SLC39A11: variants seen among roughly 807,000 people sequenced by gnomAD.
SLC39A11 encodes zinc transporter ZIP11.
In SLC39A11, 33 loss-of-function variants were observed where a neutral mutation model predicts 36.1. The ratio of observed to expected loss-of-function variants is 0.91; its 90% CI spans 0.69 to 1.22. The LOEUF (loss-of-function observed/expected upper bound fraction) is 1.22, where lower values mean the gene tolerates loss of function less well. SLC39A11 is among the 50% of genes most tolerant of loss of function. The pLI, the probability that SLC39A11 is intolerant of heterozygous loss-of-function variation, is 0.00. For synonymous variants in SLC39A11, 166 were observed against 170.3 expected (o/e 0.97, Z 0.20); for missense variants, 432 against 430.3 (o/e 1.00, Z -0.03).
intron 6 of SLC39A11, among the ~76,000 whole-genome samples, chr17:72,737,773 G>A (rs2074494835): frequency 6.6e-6 from 1 of 152,072 alleles, no homozygotes; most frequent in African/African-American, 2.4e-5. Flanking sequence ...TCTTCGGCCA[G>A]AACAGGAGCA....
chr17:72,940,277 C>CTTT (rs5821935), intron 5 of SLC39A11, among the ~76,000 whole-genome samples: 6 of 144,834 alleles, frequency 4.1e-5, no homozygotes, highest in Admixed American at 6.9e-5. Flanking sequence ...AGCCATCTGA[C>CTTT]TTTTTTTTTT....
chr17:72,747,403 C>T (rs1228193826), intron 6 of SLC39A11, among the ~76,000 whole-genome samples: 3 of 152,164 alleles, frequency 2.0e-5, no homozygotes, highest in East Asian at 1.9e-4. Context: ...CTGCCCACCT[C>T]GGCTTCCCAA....
At chr17:72,867,698 C>A (rs2080371818) in intron 5 of SLC39A11, among the ~76,000 whole-genome samples, 1 of 151,994 alleles carries the variant, frequency 6.6e-6, no homozygotes, top group Non-Finnish European at 1.5e-5. Context: ...CCAGGCCATA[C>A]CCACACACAA....
intron 6 of SLC39A11, among the ~76,000 whole-genome samples, chr17:72,810,112 A>T (rs539254079): frequency 6.1e-4 from 92 of 151,926 alleles, no homozygotes; most frequent in Non-Finnish European, 1.0e-3. Context: ...AAAGAAAATG[A>T]AGAAAACTCT....
chr17:72,708,104 C>G (rs567258818), intron 7 of SLC39A11, among the ~76,000 whole-genome samples: 1 of 152,328 alleles, frequency 6.6e-6, no homozygotes, highest in East Asian at 1.9e-4. Context: ...CTGTATCCTG[C>G]TTGAGCAGCC....
intron 7 of SLC39A11, among the ~76,000 whole-genome samples, chr17:72,655,603 C>A (rs1057476142): frequency 2.0e-5 from 3 of 152,184 alleles, no homozygotes; most frequent in African/African-American, 7.2e-5. Flanking sequence ...CTCCCAGGAG[C>A]CCCTTCCCTG....
chr17:73,022,823 A>G (rs888755295), intron 4 of SLC39A11, among the ~76,000 whole-genome samples: 1 of 152,076 alleles, frequency 6.6e-6, no homozygotes, highest in African/African-American at 2.4e-5. Flanking sequence ...GACAGCCTGA[A>G]TGCCAGCTCT....
intron 6 of SLC39A11, among the ~76,000 whole-genome samples, chr17:72,801,672 T>C (rs1056797792): frequency 4.6e-5 from 7 of 152,234 alleles, no homozygotes; most frequent in African/African-American, 1.7e-4. Context: ...TTACTATGTA[T>C]ATTGTCTTCA....
At chr17:73,048,954 T>C (rs1441251910) in intron 3 of SLC39A11, among the ~76,000 whole-genome samples, 1 of 152,182 alleles carries the variant, frequency 6.6e-6, no homozygotes, top group Non-Finnish European at 1.5e-5. Flanking sequence ...ATGTGCTGCG[T>C]GACCAGATGG....
Position 72,659,223 on chromosome 17 carries a change from C to A in SLC39A11, c.672-9955G>T, listed in dbSNP as rs551018957. Among the ~76,000 whole-genome samples the A allele has an allele frequency of 3.3e-5, 5 of 152,294 alleles. No homozygotes were observed. The South Asian group carries it at 6.2e-4, about 19-fold the overall frequency. ...ATCTGATACACAGCAAAAGACCTGCCTGCAAATGACTCCAGCACAGCACGG... is the reference window on the plus strand; with the variant it reads ...ATCTGATACACAGCAAAAGACCTGCATGCAAATGACTCCAGCACAGCACGG... On this transcript the variant is annotated intron_variant, in intron 7 of 9. Coordinates refer to ENST00000255559, the MANE Select transcript of SLC39A11 (RefSeq NM_139177.4).
chr17:72,852,213 A>AAAAAAAAC (rs1448652374), intron 5 of SLC39A11, among the ~76,000 whole-genome samples: 21 of 147,914 alleles, frequency 1.4e-4, no homozygotes, highest in African/African-American at 5.1e-4. Flanking sequence ...TCAAAAAAAA[A>AAAAAAAAC]AAAAAAAAAA....
At chr17:72,714,080 G>A (rs1598420934) in intron 7 of SLC39A11, among the ~76,000 whole-genome samples, 1 of 152,236 alleles carries the variant, frequency 6.6e-6, no homozygotes, top group Admixed American at 6.5e-5. Context: ...CTCAGGCCGG[G>A]CGCGGTGGCT....
At chr17:72,883,197 A>C (rs2081293032) in intron 5 of SLC39A11, among the ~76,000 whole-genome samples, 1 of 152,186 alleles carries the variant, frequency 6.6e-6, no homozygotes. Context: ...TGTGAGTGGA[A>C]AGTGCATAAA....
intron 5 of SLC39A11, among the ~76,000 whole-genome samples, chr17:72,914,320 G>GA (rs145772163): frequency 0.15 from 21,405 of 141,266 alleles, 1,801 homozygotes; most frequent in Non-Finnish European, 0.2. Flanking sequence ...CATCTCGGGG[G>GA]AAAAAAAAAA....
chr17:72,968,419 C>T (rs2087182692), intron 4 of SLC39A11, among the ~76,000 whole-genome samples: 1 of 152,048 alleles, frequency 6.6e-6, no homozygotes, highest in Non-Finnish European at 1.5e-5. Context: ...GTGGAGGAAA[C>T]CCATTGGGAA....
intron 4 of SLC39A11, among the ~76,000 whole-genome samples, chr17:72,952,746 C>T (rs1438260655): frequency 6.6e-6 from 1 of 152,206 alleles, no homozygotes; most frequent in Admixed American, 6.5e-5. Context: ...TATAGCCCTG[C>T]AAGGTCGGCA....
Position 72,785,151 on chromosome 17 carries a change from C to A in SLC39A11, c.602-48432G>T, listed in dbSNP as rs141281033. Among the ~76,000 whole-genome samples the A allele has an allele frequency of 2.8e-3, 420 of 152,268 alleles. 3 individuals are homozygous for A. The highest frequency in any genetic ancestry group is 9.6e-3 in the African/African-American group (398 of 41,552). On this transcript the variant is annotated intron_variant, in intron 6 of 9. Coordinates refer to ENST00000255559, the MANE Select transcript of SLC39A11 (RefSeq NM_139177.4). ...AAAGTGCTGGGATTACAGGCCTAAA[C>A]CTCTTTTATTCATAAATTACCCAGT... is the stretch of plus-strand genomic sequence containing the variant.
At chr17:72,939,396 T>C (rs1052366199) in intron 5 of SLC39A11, among the ~76,000 whole-genome samples, 1 of 150,842 alleles carries the variant, frequency 6.6e-6, no homozygotes, top group Non-Finnish European at 1.5e-5. Context: ...GAGGCGGAGG[T>C]TGCAGTGAGC....
intron 4 of SLC39A11, among the ~76,000 whole-genome samples, chr17:73,020,943 A>G (rs531870692): frequency 2.0e-5 from 3 of 152,058 alleles, no homozygotes; most frequent in African/African-American, 7.2e-5. Flanking sequence ...GGCTTCCCAA[A>G]GTGCTGAGAT....
Sources: allele counts gnomAD v4.1 joint callset (sites outside exome capture counted in the v4.1 genomes callset), GRCh38; gene constraint gnomAD v4.1.1; transcripts MANE v1.5; gene names NCBI Gene and HGNC (gene_info 2026-07-23, HGNC 2026-07-21).